SKAP2: variants seen among roughly 807,000 people sequenced by gnomAD.
The protein encoded by SKAP2 is src kinase associated phosphoprotein 2.
In SKAP2, 28 loss-of-function variants were observed where a neutral mutation model predicts 54.9. The ratio of observed to expected loss-of-function variants is 0.51; its 90% CI spans 0.38 to 0.70. The LOEUF is 0.70. Ranked by LOEUF, SKAP2 falls within the 30% of genes least tolerant of loss-of-function variation. SKAP2 has a pLI of 0.00. For synonymous variants in SKAP2, 137 were observed against 134.3 expected, an observed-to-expected ratio of 1.02 and a Z score of -0.14; for missense variants, 356 against 424.1, an observed-to-expected ratio of 0.84 and a Z score of 1.41.
At chr7:26,689,568 C>G (rs1200986595) in intron 10 of SKAP2, among the ~76,000 whole-genome samples, 1 of 152,174 alleles carries the variant, frequency 6.6e-6, no homozygotes, top group African/African-American at 2.4e-5. Context: ...GAACATCCTT[C>G]CTAGCCTTTT....
At chr7:26,765,379 G>A (rs969013270) in intron 4 of SKAP2, among the ~76,000 whole-genome samples, 5 of 151,890 alleles carry the variant, frequency 3.3e-5, no homozygotes, top group Admixed American at 6.6e-5. Context: ...TTAGCCCCCT[G>A]TCAGATGGAT....
chr7:26,779,465 T>G (rs949168166), intron 4 of SKAP2, among the ~76,000 whole-genome samples: 15 of 152,042 alleles, frequency 9.9e-5, no homozygotes, highest in African/African-American at 3.6e-4. Flanking sequence ...TGCAACTTTG[T>G]TCGTTGACAT....
At chr7:26,861,549 C>G (rs1785271370) in intron 1 of SKAP2, among the ~76,000 whole-genome samples, 1 of 149,960 alleles carries the variant, frequency 6.7e-6, no homozygotes, top group African/African-American at 2.4e-5. Flanking sequence ...AACTAAAAAT[C>G]AAACTAGATA....
chr7:26,808,650 A>G (rs913098966), intron 4 of SKAP2, among the ~76,000 whole-genome samples: 2 of 152,024 alleles, frequency 1.3e-5, no homozygotes, highest in African/African-American at 4.8e-5. Flanking sequence ...CCATAATAAA[A>G]AAAAAGGAAG....
At chr7:26,846,333 T>C (rs1350466219) in intron 3 of SKAP2, among the ~76,000 whole-genome samples, 1 of 152,158 alleles carries the variant, frequency 6.6e-6, no homozygotes, top group East Asian at 1.9e-4. Context: ...GCTTAAATTA[T>C]ATTAAATTCT....
At chr7:26,797,332 C>G (rs1384858363) in intron 4 of SKAP2, among the ~76,000 whole-genome samples, 2 of 152,162 alleles carry the variant, frequency 1.3e-5, no homozygotes, top group African/African-American at 2.4e-5. Context: ...TGTTACTCCA[C>G]CCCCCAGCTT....
At chr7:26,827,706 C>T (rs777156877) in intron 4 of SKAP2, among the ~76,000 whole-genome samples, 37 of 151,912 alleles carry the variant, frequency 2.4e-4, no homozygotes, top group South Asian at 1.2e-3. Flanking sequence ...GTAAAAATAA[C>T]AACAACAACA....
chr7:26,779,368 C>A (rs528689036), intron 4 of SKAP2, among the ~76,000 whole-genome samples: 4 of 151,918 alleles, frequency 2.6e-5, no homozygotes, highest in African/African-American at 7.2e-5. Context: ...GGAAATAATT[C>A]CATTCATTTT....
chr7:26,770,092 G>A (rs191068746), intron 4 of SKAP2, among the ~76,000 whole-genome samples: 45 of 152,302 alleles, frequency 3.0e-4, no homozygotes, highest in Admixed American at 2.4e-3. Context: ...AGGGAGATGG[G>A]AGAGTTTTAT....
At chr7:26,673,552 G>A (rs752456798) in intron 11 of SKAP2, among the ~76,000 whole-genome samples, 1 of 152,042 alleles carries the variant, frequency 6.6e-6, no homozygotes, top group Non-Finnish European at 1.5e-5. Flanking sequence ...TCAAGATCCA[G>A]AGGTGTAGTG....
chr7:26,684,612 A>G (rs890144407), intron 11 of SKAP2, 124 bp downstream of exon 11: 5 of 611,986 alleles, frequency 8.2e-6, no homozygotes, highest in African/African-American at 5.6e-5. Context: ...TGAACTCCCA[A>G]TTGTTAACAA....
intron 9 of SKAP2, among the ~76,000 whole-genome samples, chr7:26,703,281 C>A (rs1425851796): frequency 2.0e-5 from 3 of 152,046 alleles, no homozygotes; most frequent in Non-Finnish European, 1.5e-5. Context: ...TCCACCACCA[C>A]AAATAAGCAA....
intron 6 of SKAP2, 38 bp from the exon 7 acceptor site, chr7:26,727,044 A>G (rs1411998772): frequency 6.6e-7 from 1 of 1,515,112 alleles, no homozygotes; most frequent in Non-Finnish European, 8.9e-7. Flanking sequence ...TCATTTACTA[A>G]GTATTAATGC....
chr7:26,851,947 T>G (rs1447903254), intron 3 of SKAP2, among the ~76,000 whole-genome samples: 2 of 152,084 alleles, frequency 1.3e-5, no homozygotes, highest in African/African-American at 4.8e-5. Flanking sequence ...ACCCCCCCAA[T>G]AGTGACATCA....
chr7:26,828,575 G>A (rs113429260), intron 4 of SKAP2, among the ~76,000 whole-genome samples: 2,217 of 151,726 alleles, frequency 0.015, 27 homozygotes, highest in South Asian at 0.031. Context: ...TACTCGGGAG[G>A]CTGAGGCAGG....
chr7:26,688,653 T>C (rs1198668824), intron 10 of SKAP2, among the ~76,000 whole-genome samples: 2 of 152,314 alleles, frequency 1.3e-5, no homozygotes, highest in South Asian at 2.1e-4. Context: ...TATTGTAGTG[T>C]TTTATAGCCA....
intron 4 of SKAP2, among the ~76,000 whole-genome samples, chr7:26,760,209 T>C (rs943283405): frequency 5.3e-5 from 8 of 152,152 alleles, no homozygotes; most frequent in South Asian, 2.1e-4. Flanking sequence ...TTCAAACTAC[T>C]TGAAATTCTA....
intron 4 of SKAP2, among the ~76,000 whole-genome samples, chr7:26,834,451 G>A (rs1016067574): frequency 7.9e-5 from 12 of 152,012 alleles, no homozygotes; most frequent in Admixed American, 6.5e-4. Flanking sequence ...CCACTAACCA[G>A]ACTAATAAAG....
At chr7:26,840,293 A>G (rs1784794350) in intron 4 of SKAP2, among the ~76,000 whole-genome samples, 1 of 152,124 alleles carries the variant, frequency 6.6e-6, no homozygotes, top group Non-Finnish European at 1.5e-5. Context: ...TGTAACATAC[A>G]TCTACTGGGA....
Sources: gnomAD v4.1 joint callset for allele counts (sites outside exome capture counted in the v4.1 genomes callset) on GRCh38, gnomAD v4.1.1 for gene constraint, MANE v1.5 for transcripts, NCBI Gene and HGNC (gene_info 2026-07-23, HGNC 2026-07-21) for gene names.